Variants in RGS12 observed in about 807,000 individuals in gnomAD.
The protein encoded by RGS12 is regulator of G-protein signaling 12.
Under a neutral mutation model 120.1 loss-of-function variants are expected in RGS12, and 66 were observed. That is an observed-to-expected ratio of 0.55 (90% CI 0.45 to 0.67). The LOEUF (loss-of-function observed/expected upper bound fraction) is 0.67. RGS12 is among the 30% of genes least tolerant of loss of function. The probability of loss-of-function intolerance (pLI) is 0.00; values close to 1 mark genes in which losing one functional copy is unlikely to be tolerated. For synonymous variants in RGS12, 827 were observed against 804.7 expected (o/e 1.03, Z -0.47); for missense variants, 1,859 against 1,957.7 (o/e 0.95, Z 0.95).
chr4:3,386,496 A>G lies in RGS12; in HGVS notation c.2020+59A>G. The G allele has an allele frequency of 2.0e-6, 3 of 1,475,750 alleles. No individual in the cohort carries two copies. The South Asian group carries it at 3.5e-5, about 17-fold the overall frequency. The allele number at this position is 1,475,750 out of a possible 1,614,324, so 91.4% of individuals were successfully genotyped here. ...TTTTTCATAAAGTTTTCAAATTGTG[A>G]AAGTGTATTTGCCATTTGATGCCCT... On this transcript the variant is annotated intron_variant, in intron 4 of 17. Transcript: ENST00000336727.
intron 3 of RGS12, among the ~76,000 whole-genome samples, chr4:3,352,876 C>A (rs552855430): frequency 6.6e-6 from 1 of 152,282 alleles, no homozygotes; most frequent in African/African-American, 2.4e-5. Flanking sequence ...CCGTTTTGAA[C>A]CTGACAACTT....
At chr4:3,296,722 T>C (rs937388514) in intron 1 of RGS12, among the ~76,000 whole-genome samples, 10 of 152,218 alleles carry the variant, frequency 6.6e-5, no homozygotes, top group African/African-American at 2.4e-4. Flanking sequence ...GCCTCTTCTC[T>C]GGGATGGGCA....
intron 2 of RGS12, among the ~76,000 whole-genome samples, chr4:3,340,567 A>C (rs1712959552): frequency 6.6e-6 from 1 of 152,216 alleles, no homozygotes; most frequent in South Asian, 2.1e-4. Context: ...GCAATTTATC[A>C]GTCACCACAG....
chr4:3,423,681 A>G (rs1476582936), intron 13 of RGS12, 40 bp downstream of exon 13: 2 of 1,583,838 alleles, frequency 1.3e-6, no homozygotes, highest in Non-Finnish European at 1.7e-6. Flanking sequence ...CACCGCAGGC[A>G]CTGTCTGTTC....
At chr4:3,356,376 G>A (rs758874374) in intron 3 of RGS12, among the ~76,000 whole-genome samples, 1 of 151,950 alleles carries the variant, frequency 6.6e-6, no homozygotes, top group African/African-American at 2.4e-5. Context: ...TTTAATTGTG[G>A]TAAAATACAT....
chr4:3,386,463 AT>A, intron 4 of RGS12, 26 bp downstream of exon 4: 4 of 1,587,600 alleles, frequency 2.5e-6, no homozygotes, highest in South Asian at 1.1e-5. Flanking sequence ...TGATGTATAT[AT>A]TTTTTATTTT....
At position 3,415,808 on chromosome 4, in the gene RGS12, G is replaced by A. The variant is rs540582760; in HGVS notation, c.2284-170G>A. Among the ~76,000 whole-genome samples the A allele has an allele frequency of 1.4e-4, 21 of 152,362 alleles. 1 individual carries two copies. The Middle Eastern group carries it at 0.017, about 123-fold the overall frequency. On this transcript the variant is annotated intron_variant, in intron 6 of 17. Coordinates refer to ENST00000336727, the MANE Select transcript of RGS12 (RefSeq NM_001394154.1). ...TTTAAACAATCGTAGAGGAGCCCGC[G>A]CAGTGCTGCTGCATTCTGGCCACAC...
chr4:3,292,408 G>A (rs1221658887), upstream of RGS12, among the ~76,000 whole-genome samples: 1 of 152,200 alleles, frequency 6.6e-6, no homozygotes, highest in Non-Finnish European at 1.5e-5. Flanking sequence ...CCGGGGCCCG[G>A]AGGGAACGGC....
intron 1 of RGS12, among the ~76,000 whole-genome samples, chr4:3,311,084 G>A (rs971729900): frequency 6.6e-6 from 1 of 152,176 alleles, no homozygotes; most frequent in Non-Finnish European, 1.5e-5. Flanking sequence ...ATTGCAGCCC[G>A]TGGGGTCACC....
chr4:3,386,391 C>T, intron 3 of RGS12, 25 bp from the exon 4 acceptor site: 1 of 1,609,492 alleles, frequency 6.2e-7, no homozygotes, highest in Non-Finnish European at 8.5e-7. Context: ...TTAATTAACT[C>T]ATGTCTCTCT....
chr4:3,373,773 G>C (rs894358249), intron 3 of RGS12, among the ~76,000 whole-genome samples: 1 of 152,158 alleles, frequency 6.6e-6, no homozygotes, highest in African/African-American at 2.4e-5. Context: ...AGTCTGTGCC[G>C]GCGAGCATCA....
intron 4 of RGS12, among the ~76,000 whole-genome samples, chr4:3,409,762 G>A (rs1160225220): frequency 1.3e-5 from 2 of 152,336 alleles, no homozygotes; most frequent in Admixed American, 6.5e-5. Context: ...GTCAGCAACC[G>A]TGGGGGGTTG....
intron 4 of RGS12, 119 bp downstream of exon 4, chr4:3,386,556 C>T (rs1325737776): frequency 2.3e-6 from 2 of 869,386 alleles, no homozygotes; most frequent in East Asian, 2.6e-5. Flanking sequence ...TCCCTGTCTC[C>T]TTGTGGGCGG....
At chr4:3,428,478 C>A (rs1723909909) in intron 15 of RGS12, 80 bp from the exon 16 acceptor site, 1 of 1,208,172 alleles carries the variant, frequency 8.3e-7, no homozygotes, top group Admixed American at 2.3e-5. Context: ...TTTCATAGAG[C>A]CTTCTACTCT....
At chr4:3,399,747 C>G (rs532253103) in intron 4 of RGS12, among the ~76,000 whole-genome samples, 2 of 152,360 alleles carry the variant, frequency 1.3e-5, no homozygotes, top group South Asian at 4.1e-4. Flanking sequence ...GTATATCAGT[C>G]AGCTTAGGCT....
chr4:3,420,515 G>T, intron 9 of RGS12, 127 bp from the exon 10 acceptor site: 1 of 858,202 alleles, frequency 1.2e-6, no homozygotes, highest in Non-Finnish European at 1.9e-6. Context: ...GTGATGCCTG[G>T]TGGGGGATGG....
chr4:3,406,785 T>A (rs1204449478), intron 4 of RGS12, among the ~76,000 whole-genome samples: 1 of 152,154 alleles, frequency 6.6e-6, no homozygotes, highest in Non-Finnish European at 1.5e-5. Flanking sequence ...GCACCCCACC[T>A]CGGAAAGGGA....
chr4:3,392,222 T>TA (rs1464864717), intron 4 of RGS12, among the ~76,000 whole-genome samples: 1 of 152,190 alleles, frequency 6.6e-6, no homozygotes, highest in Non-Finnish European at 1.5e-5. Flanking sequence ...CCAGGCTAGA[T>TA]AGACTGTGGG....
intron 3 of RGS12, among the ~76,000 whole-genome samples, chr4:3,355,319 A>G (rs1194554600): frequency 6.6e-6 from 1 of 152,232 alleles, no homozygotes; most frequent in East Asian, 1.9e-4. Context: ...TGGCATCATA[A>G]TTAAGCTTTC....
Sources: allele counts gnomAD v4.1 joint callset (sites outside exome capture counted in the v4.1 genomes callset), GRCh38; gene constraint gnomAD v4.1.1; transcripts MANE v1.5; gene names NCBI Gene and HGNC (gene_info 2026-07-23, HGNC 2026-07-21).